The following ASTN2 variants were observed in gnomAD, a reference collection of about 807,000 sequenced individuals.
ASTN2 encodes astrotactin 2.
ASTN2 carries 54 observed loss-of-function variants against 139.8 expected under a neutral mutation model. The observed-to-expected ratio is 0.39, with a 90% CI of 0.31 to 0.48. The LOEUF is 0.48. Ranked by LOEUF, ASTN2 falls within the 20% of genes least tolerant of loss-of-function variation. The probability of loss-of-function intolerance (pLI) is 0.95; values close to 1 mark genes in which losing one functional copy is unlikely to be tolerated. For synonymous variants in ASTN2, 756 were observed against 719.5 expected, an observed-to-expected ratio of 1.05 and a Z score of -0.81; for missense variants, 1,565 against 1,725.1, an observed-to-expected ratio of 0.91 and a Z score of 1.64.
chr9:116,620,479 A>G (rs1385015292), intron 17 of ASTN2, 36 bp from the exon 18 acceptor site: 1 of 1,613,300 alleles, frequency 6.2e-7, no homozygotes, highest in South Asian at 1.1e-5. Flanking sequence ...GACAATGATG[A>G]CAACAGGGGA....
At chr9:116,735,476 G>T (rs965569834) in intron 13 of ASTN2, among the ~76,000 whole-genome samples, 1 of 152,198 alleles carries the variant, frequency 6.6e-6, no homozygotes, top group Non-Finnish European at 1.5e-5. Context: ...AGGATGGAGG[G>T]GTAGTCCATG....
chr9:117,161,316 G>A (rs908792179), intron 3 of ASTN2, among the ~76,000 whole-genome samples: 2 of 151,990 alleles, frequency 1.3e-5, no homozygotes, highest in African/African-American at 4.8e-5. Context: ...TACAACAAAG[G>A]GCTGGGGGTT....
chr9:116,980,695 T>C (rs1928994), intron 7 of ASTN2, among the ~76,000 whole-genome samples: 25,977 of 152,272 alleles, frequency 0.17, 2,771 homozygotes, highest in Admixed American at 0.24. Flanking sequence ...AGCAGCAGCC[T>C]GGGTGTCTCT....
intron 2 of ASTN2, among the ~76,000 whole-genome samples, chr9:117,289,256 G>A (rs1426458709): frequency 6.6e-6 from 1 of 152,090 alleles, no homozygotes; most frequent in Non-Finnish European, 1.5e-5. Flanking sequence ...GGTAGCCTTG[G>A]GTCACTTTGG....
Position 116,773,760 on chromosome 9 carries a change from C to T in ASTN2, c.2396+31872G>A, listed in dbSNP as rs187079160. 3.3e-5 allele frequency among the ~76,000 whole-genome samples: 5 copies of T among 152,272 alleles called. No homozygotes were observed. The East Asian group carries it at 9.7e-4, about 29-fold the overall frequency. The stretch of plus-strand genomic sequence containing the variant: ...AGAGGTTAAGAATCTTGTTCAATAT[C>T]ATCAAGCAAGTGAGGGATAGAAAAC... On this transcript the variant is annotated intron_variant, in intron 13 of 22. Transcript: ENST00000313400.
At chr9:117,080,303 A>C (rs1162864711) in intron 5 of ASTN2, among the ~76,000 whole-genome samples, 1 of 152,206 alleles carries the variant, frequency 6.6e-6, no homozygotes, top group Non-Finnish European at 1.5e-5. Flanking sequence ...ATTCACACTT[A>C]TCTGGCTGTA....
chr9:117,362,978 T>G (rs1237568121), intron 1 of ASTN2, among the ~76,000 whole-genome samples: 1 of 152,196 alleles, frequency 6.6e-6, no homozygotes, highest in Non-Finnish European at 1.5e-5. Flanking sequence ...TCTTGGTGTG[T>G]GTGTACCATC....
intron 22 of ASTN2, among the ~76,000 whole-genome samples, chr9:116,439,239 C>T (rs1404880433): frequency 8.3e-5 from 8 of 96,536 alleles, no homozygotes; most frequent in African/African-American, 1.8e-4. Context: ...CTCGCTCTGT[C>T]GCCCAGGCTG....
At chr9:116,843,818 C>G (rs771676056) in intron 11 of ASTN2, among the ~76,000 whole-genome samples, 1 of 152,130 alleles carries the variant, frequency 6.6e-6, no homozygotes, top group African/African-American at 2.4e-5. Flanking sequence ...GGGCACTACG[C>G]TTAGTACCTG....
chr9:117,227,898 C>T (rs1832766188), intron 2 of ASTN2, among the ~76,000 whole-genome samples: 3 of 152,152 alleles, frequency 2.0e-5, no homozygotes, highest in Admixed American at 2.0e-4. Context: ...TCACTTTACA[C>T]AGAAAGCAAC....
intron 5 of ASTN2, among the ~76,000 whole-genome samples, chr9:117,075,266 T>C (rs1262283688): frequency 6.6e-6 from 1 of 152,042 alleles, no homozygotes; most frequent in Non-Finnish European, 1.5e-5. Context: ...TGACAAATGC[T>C]CCAGCCTCCC....
chr9:116,986,166 C>CT (rs1055801932), intron 7 of ASTN2, among the ~76,000 whole-genome samples: 2 of 132,596 alleles, frequency 1.5e-5, no homozygotes, highest in African/African-American at 3.0e-5. Context: ...GGCTGCCCCC[C>CT]CCCACCCCCC....
intron 5 of ASTN2, among the ~76,000 whole-genome samples, chr9:117,056,073 T>C (rs1839055087): frequency 6.6e-6 from 1 of 152,186 alleles, no homozygotes; most frequent in South Asian, 2.1e-4. Flanking sequence ...AACAACCATG[T>C]AAGTAAGCTG....
At chr9:116,828,992 T>C (rs1231377029) in intron 11 of ASTN2, among the ~76,000 whole-genome samples, 1 of 151,968 alleles carries the variant, frequency 6.6e-6, no homozygotes, top group South Asian at 2.1e-4. Flanking sequence ...AACAAAACAC[T>C]GATGAAATAA....
chr9:117,245,745 T>A (rs1029285528), intron 2 of ASTN2, among the ~76,000 whole-genome samples: 1 of 152,146 alleles, frequency 6.6e-6, no homozygotes, highest in Non-Finnish European at 1.5e-5. Context: ...CCCCCTGGTA[T>A]CTGCTCACCA....
intron 2 of ASTN2, among the ~76,000 whole-genome samples, chr9:117,269,204 A>G (rs767690994): frequency 1.8e-4 from 27 of 152,330 alleles, no homozygotes; most frequent in Middle Eastern, 3.4e-3. Context: ...TCAGCAAAAG[A>G]CGCTAGACCA....
chr9:117,026,109 C>CT (rs574024847), intron 6 of ASTN2, among the ~76,000 whole-genome samples: 2,173 of 148,956 alleles, frequency 0.015, 17 homozygotes, highest in Non-Finnish European at 0.018. Context: ...TCTTTTCTTT[C>CT]TTTTTTTTTT....
At chr9:116,724,160 G>T (rs1295355721) in intron 16 of ASTN2, among the ~76,000 whole-genome samples, 1 of 151,948 alleles carries the variant, frequency 6.6e-6, no homozygotes, top group Non-Finnish European at 1.5e-5. Flanking sequence ...GTGAGTGAAG[G>T]TTTTTATAAA....
chr9:116,656,124 A>T (rs1252439035), intron 16 of ASTN2, among the ~76,000 whole-genome samples: 1 of 152,212 alleles, frequency 6.6e-6, no homozygotes, highest in Non-Finnish European at 1.5e-5. Flanking sequence ...AAAAGACAGC[A>T]TCAGTTTTGC....
Sources: gnomAD v4.1 joint callset for allele counts (sites outside exome capture counted in the v4.1 genomes callset) on GRCh38, gnomAD v4.1.1 for gene constraint, MANE v1.5 for transcripts, NCBI Gene and HGNC (gene_info 2026-07-23, HGNC 2026-07-21) for gene names.